Variants in TMEM106B observed in about 807,000 individuals in gnomAD.
TMEM106B encodes transmembrane protein 106B.
Under a neutral mutation model 31.1 loss-of-function variants are expected in TMEM106B, and 15 were observed. The ratio of observed to expected loss-of-function variants is 0.48; its 90% CI spans 0.32 to 0.74. TMEM106B has a LOEUF of 0.74. TMEM106B is among the 30% of genes least tolerant of loss of function. The probability of loss-of-function intolerance (pLI) is 0.03; values close to 1 mark genes in which losing one functional copy is unlikely to be tolerated. For missense variants in TMEM106B, 283 were observed against 327.3 expected (o/e 0.86, Z 1.04); for synonymous variants, 126 against 112.5 (o/e 1.12, Z -0.76).
rs1004886794 is a variant in TMEM106B, at chr7:12,240,344, T to C, written c.*8369T>C. The stretch of plus-strand genomic sequence containing the variant: ...AACTTACTCAAACACTTGGTGAACT[T>C]TTTCTGAATGTTTTTTCTGAATGTT... On this transcript the variant is annotated 3_prime_UTR_variant, in exon 8 of 8. Transcript: ENST00000396668. 3 of 152,164 alleles carry C rather than the reference T, an allele frequency of 2.0e-5. No homozygotes were observed. Among genetic ancestry groups the C allele is most frequent in the African/African-American group, 7.2e-5 (3 of 41,448 alleles). The allele number at this position is 152,164 out of a possible 1,614,324, so 9.4% of individuals were successfully genotyped here.
At chr7:12,214,658 T>C (rs1054159569) in intron 1 of TMEM106B, among the ~76,000 whole-genome samples, 151 bp from the exon 2 acceptor site, 3 of 152,246 alleles carry the variant, frequency 2.0e-5, no homozygotes, top group African/African-American at 7.2e-5. Context: ...CCTTGTTCAC[T>C]CATTTTTGGC....
rs1257470982 is a variant in TMEM106B, at chr7:12,235,052, G to T, written c.*3077G>T. ...AGATTGGTATGATTAAAAATGAGAG[G>T]AAAGTTCAAATAGTTAGTAGTGACA... On this transcript the variant is annotated 3_prime_UTR_variant, in exon 8 of 8. Transcript: ENST00000396668. 6.6e-6 allele frequency: 1 copy of T among 152,206 alleles called. No individual in the cohort carries two copies. Among genetic ancestry groups the T allele is most frequent in the Non-Finnish European group, 1.5e-5 (1 of 67,826 alleles). The allele number at this position is 152,206 out of a possible 1,614,324, so 9.4% of individuals were successfully genotyped here.
At position 12,237,160 on chromosome 7, in the gene TMEM106B, A is replaced by T. The variant is rs978700129; in HGVS notation, c.*5185A>T. 3 of 151,990 alleles carry T rather than the reference A, an allele frequency of 2.0e-5. No individual in the cohort carries two copies. Among genetic ancestry groups the T allele is most frequent in the African/African-American group, 4.8e-5 (2 of 41,420 alleles). The allele number at this position is 151,990 out of a possible 1,614,324, so 9.4% of individuals were successfully genotyped here. ...CAAATAGAAATGCCCCCAAAATGCT[A>T]TTTTTTTAATTCAGTTATAACTGTT... On this transcript the variant is annotated 3_prime_UTR_variant, in exon 8 of 8. Coordinates refer to ENST00000396668, the MANE Select transcript of TMEM106B (RefSeq NM_001134232.2).
chr7:12,232,938 A>G lies in TMEM106B; in HGVS notation c.*963A>G, dbSNP rs1361330976. ...TGCTTTTCATACTAAAGAATGGTGT[A>G]GACATGTTTTGCAACTGTTAGGTAC... On this transcript the variant is annotated 3_prime_UTR_variant, in exon 8 of 8. Transcript: ENST00000396668. The G allele has an allele frequency of 6.6e-6, 1 of 151,838 alleles. No individual in the cohort carries two copies. The highest frequency in any genetic ancestry group is 1.5e-5 in the Non-Finnish European group (1 of 67,768). The allele number at this position is 151,838 out of a possible 1,614,324, so 9.4% of individuals were successfully genotyped here.
At chr7:12,229,926 A>T in intron 5 of TMEM106B, 107 bp downstream of exon 5, 1 of 1,259,160 alleles carries the variant, frequency 7.9e-7, no homozygotes, top group Non-Finnish European at 1.1e-6. Flanking sequence ...TGATTTAGAA[A>T]TGTGTCTCTG....
Position 12,231,884 on chromosome 7 carries a change from A to G in TMEM106B, c.734A>G (p.Gln245Arg). 1 of 1,612,018 alleles carries G rather than the reference A, an allele frequency of 6.2e-7. No individual in the cohort carries two copies. Among genetic ancestry groups the G allele is most frequent in the East Asian group, 2.2e-5 (1 of 44,806 alleles). The change falls in exon 8 of 8, where the codon CAG becomes CGG. Residue 245 changes from glutamine to arginine, a missense_variant. By Grantham distance (43) the Gln-to-Arg change is conservative. Transcript: ENST00000396668. The stretch of plus-strand genomic sequence containing the variant: ...TTTGGCCACTCTGAACAGATATCCC[A>G]GGAGAGGTATCAGTATGTCGACTGT... The part of the protein sequence containing the change: ...TYFGHSEQIS[Q>R]ERYQYVDCGR...
intron 3 of TMEM106B, among the ~76,000 whole-genome samples, chr7:12,221,224 T>C (rs894078386): frequency 6.6e-6 from 1 of 152,130 alleles, no homozygotes; most frequent in African/African-American, 2.4e-5. Flanking sequence ...TTGGTGACAC[T>C]AACAAAACTG....
rs967254603 is a variant in TMEM106B, at chr7:12,235,352, T to C, written c.*3377T>C. On this transcript the variant is annotated 3_prime_UTR_variant, in exon 8 of 8. Transcript: ENST00000396668. ...ATTGTTTGAAATTACTGAATAACCA[T>C]CTTAAGTATGGAACATTTAAATGGC... 2.6e-5 allele frequency: 4 copies of C among 152,330 alleles called. No individual in the cohort carries two copies. The highest frequency in any genetic ancestry group is 9.7e-5 in the African/African-American group (4 of 41,446). The allele number at this position is 152,330 out of a possible 1,614,324, so 9.4% of individuals were successfully genotyped here.
Position 12,243,112 on chromosome 7 carries a change from G to T in TMEM106B, c.*11137G>T, listed in dbSNP as rs548289030. On this transcript the variant is annotated 3_prime_UTR_variant, in exon 8 of 8. Transcript: ENST00000396668. ...AAGGTTTTTTATTTATATAAATATT[G>T]TTACTTTACCACTAGTGATTTCAAT... 1 of 151,916 alleles carries T rather than the reference G, an allele frequency of 6.6e-6. No homozygotes were observed. Among genetic ancestry groups the T allele is most frequent in the East Asian group, 1.9e-4 (1 of 5,172 alleles). 9.4% of individuals were successfully genotyped at this position (151,916 alleles called of 1,614,324 possible).
At chr7:12,224,531 T>C in intron 4 of TMEM106B, 146 bp downstream of exon 4, 1 of 572,240 alleles carries the variant, frequency 1.7e-6, no homozygotes, top group African/African-American at 1.9e-5. Flanking sequence ...TGACGTTCTC[T>C]ACCATTTCTG....
intron 7 of TMEM106B, 195 bp from the exon 8 acceptor site, chr7:12,231,642 C>T: frequency 2.2e-6 from 1 of 460,076 alleles, no homozygotes; most frequent in Non-Finnish European, 3.9e-6. Context: ...ATTATGTCTA[C>T]AGGGCTCACT....
rs955489189 is a variant in TMEM106B, at chr7:12,239,858, A to C, written c.*7883A>C. On this transcript the variant is annotated 3_prime_UTR_variant, in exon 8 of 8. Coordinates refer to ENST00000396668, the MANE Select transcript of TMEM106B (RefSeq NM_001134232.2). ...ATTAAAATAGGTTTAATAATAATGGAAACATTTGAAATATTGCAAAAATTA... is the reference window on the plus strand; with the variant it reads ...ATTAAAATAGGTTTAATAATAATGGCAACATTTGAAATATTGCAAAAATTA... The C allele has an allele frequency of 6.6e-6, 1 of 152,188 alleles. No individual in the cohort carries two copies. The highest frequency in any genetic ancestry group is 1.5e-5 in the Non-Finnish European group (1 of 68,014). 9.4% of individuals were successfully genotyped at this position (152,188 alleles called of 1,614,324 possible).
At position 12,236,380 on chromosome 7, in the gene TMEM106B, A is replaced by G. The variant is rs1782135450; in HGVS notation, c.*4405A>G. ...GTATTTATCACAGACTCTAAATTGA[A>G]AAATGTAGTATGATCTATATTTGAC... On this transcript the variant is annotated 3_prime_UTR_variant, in exon 8 of 8. Coordinates refer to ENST00000396668, the MANE Select transcript of TMEM106B (RefSeq NM_001134232.2). 2 of 151,920 alleles carry G rather than the reference A, an allele frequency of 1.3e-5. No homozygotes were observed. The highest frequency in any genetic ancestry group is 4.8e-5 in the African/African-American group (2 of 41,424). 9.4% of individuals were successfully genotyped at this position (151,920 alleles called of 1,614,324 possible). A position where few individuals can be genotyped will look rare whatever the true frequency, so the allele number is the denominator to read the frequency against.
intron 1 of TMEM106B, 83 bp downstream of exon 1, chr7:12,211,508 A>C: frequency 6.5e-6 from 1 of 152,774 alleles, no homozygotes; most frequent in East Asian, 1.9e-4. Flanking sequence ...GCCGGGCCTG[A>C]CAAGGAGGGG....
intron 3 of TMEM106B, among the ~76,000 whole-genome samples, chr7:12,223,411 G>T (rs1350765277): frequency 6.6e-6 from 1 of 152,064 alleles, no homozygotes; most frequent in Non-Finnish European, 1.5e-5. Flanking sequence ...TGCCATGGTG[G>T]TTTATTGTAC....
intron 1 of TMEM106B, chr7:12,214,392 C>T (rs892940650): frequency 6.4e-6 from 1 of 155,350 alleles, no homozygotes; most frequent in Non-Finnish European, 1.4e-5. Flanking sequence ...TTCAACTCCT[C>T]AGGTAGAGTT....
At position 12,238,412 on chromosome 7, in the gene TMEM106B, GAGAGTT is replaced by G. The variant is rs1242835463; in HGVS notation, c.*6438_*6443del. 1.3e-5 allele frequency: 2 copies of G among 152,112 alleles called. No homozygotes were observed. The highest frequency in any genetic ancestry group is 3.9e-4 in the East Asian group (2 of 5,182). The allele number at this position is 152,112 out of a possible 1,614,324, so 9.4% of individuals were successfully genotyped here. A position where few individuals can be genotyped will look rare whatever the true frequency, so the allele number is the denominator to read the frequency against. ...TCATGAACCCCTCAAAATTATCCATGAGAGTTGAAATCAATTTCTTTCAAACTCCTG... is the reference window on the plus strand; with the variant it reads ...TCATGAACCCCTCAAAATTATCCATGGAAATCAATTTCTTTCAAACTCCTG... On this transcript the variant is annotated 3_prime_UTR_variant, in exon 8 of 8. Coordinates refer to ENST00000396668, the MANE Select transcript of TMEM106B (RefSeq NM_001134232.2).
intron 7 of TMEM106B, 102 bp downstream of exon 7, chr7:12,231,217 T>G: frequency 1.1e-6 from 1 of 870,952 alleles, no homozygotes; most frequent in Non-Finnish European, 1.8e-6. Flanking sequence ...GCCACCTCAG[T>G]TGGGTTTTAA....
intron 4 of TMEM106B, among the ~76,000 whole-genome samples, chr7:12,229,209 A>C (rs549326317): frequency 6.6e-6 from 1 of 152,144 alleles, no homozygotes; most frequent in Non-Finnish European, 1.5e-5. Context: ...GATCCCAGCT[A>C]TTAGTTGTTA....
Sources: gnomAD v4.1 joint callset for allele counts (sites outside exome capture counted in the v4.1 genomes callset) on GRCh38, gnomAD v4.1.1 for gene constraint, MANE v1.5 for transcripts, NCBI Gene and HGNC (gene_info 2026-07-23, HGNC 2026-07-21) for gene names.